PAFAH1B2: variants seen among roughly 807,000 people sequenced by gnomAD.
PAFAH1B2 encodes the protein platelet-activating factor acetylhydrolase IB subunit alpha2.
PAFAH1B2 carries 8 observed loss-of-function variants against 28.0 expected under a neutral mutation model. That is an observed-to-expected ratio of 0.29 (90% CI 0.17 to 0.52). PAFAH1B2 has a LOEUF of 0.52. Ranked by LOEUF, PAFAH1B2 falls within the 20% of genes least tolerant of loss-of-function variation. The probability of loss-of-function intolerance (pLI) is 0.97; values close to 1 mark genes in which losing one functional copy is unlikely to be tolerated. For missense variants in PAFAH1B2, 190 were observed against 282.6 expected, an observed-to-expected ratio of 0.67 and a Z score of 2.35; for synonymous variants, 104 against 103.2, an observed-to-expected ratio of 1.01 and a Z score of -0.05.
intron 1 of PAFAH1B2, among the ~76,000 whole-genome samples, chr11:117,146,338 C>T (rs567350851): frequency 6.6e-6 from 1 of 152,084 alleles, no homozygotes; most frequent in East Asian, 1.9e-4. Context: ...AGTGATCCAC[C>T]CGCCTCGGCC....
At chr11:117,173,743 C>G (rs1956721621), downstream of PAFAH1B2, among the ~76,000 whole-genome samples, 1 of 152,152 alleles carries the variant, frequency 6.6e-6, no homozygotes, top group Non-Finnish European at 1.5e-5. Context: ...TTAACTGATT[C>G]CCAATCTAAC....
Position 117,170,491 on chromosome 11 carries a change from C to T in PAFAH1B2, c.*2792C>T, listed in dbSNP as rs1956627291. 4 of 1,058,396 alleles carry T rather than the reference C, an allele frequency of 3.8e-6. No individual in the cohort carries two copies. Among genetic ancestry groups the T allele is most frequent in the Admixed American group, 1.1e-4 (2 of 18,308 alleles). The allele number at this position is 1,058,396 out of a possible 1,614,324, so 65.6% of individuals were successfully genotyped here. ...ATGTGTTCTCGGTCGCCGTAGACAG[C>T]GCTCTGGCTACCACCGTGAGGCTAC... On this transcript the variant is annotated 3_prime_UTR_variant, in exon 6 of 6. Transcript: ENST00000527958.
chr11:117,170,490 G>A lies in PAFAH1B2; in HGVS notation c.*2791G>A, dbSNP rs1956627237. 6 of 1,059,876 alleles carry A rather than the reference G, an allele frequency of 5.7e-6. No homozygotes were observed. Among genetic ancestry groups the A allele is most frequent in the Non-Finnish European group, 6.8e-6 (6 of 876,378 alleles). 65.7% of individuals were successfully genotyped at this position (1,059,876 alleles called of 1,614,324 possible). On this transcript the variant is annotated 3_prime_UTR_variant, in exon 6 of 6. Coordinates refer to ENST00000527958, the MANE Select transcript of PAFAH1B2 (RefSeq NM_002572.4). The stretch of plus-strand genomic sequence containing the variant: ...CATGTGTTCTCGGTCGCCGTAGACA[G>A]CGCTCTGGCTACCACCGTGAGGCTA...
At chr11:117,155,277 A>G (rs1367698619) in intron 2 of PAFAH1B2, among the ~76,000 whole-genome samples, 3 of 152,222 alleles carry the variant, frequency 2.0e-5, no homozygotes, top group Admixed American at 2.0e-4. Flanking sequence ...TCTTAAGGGT[A>G]GTGTTGAAAG....
At chr11:117,149,430 GT>G (rs746125678) in intron 1 of PAFAH1B2, among the ~76,000 whole-genome samples, 18 of 86,082 alleles carry the variant, frequency 2.1e-4, no homozygotes, top group East Asian at 8.6e-4. Context: ...TTTTCTAATC[GT>G]TTTTTTTTTT....
chr11:117,172,353 TATA>T (rs1956667588), downstream of PAFAH1B2, among the ~76,000 whole-genome samples: 12 of 2,474 alleles, frequency 4.9e-3, no homozygotes, highest in African/African-American at 8.9e-3. Context: ...TAGCTTTATA[TATA>T]TATATATATA....
chr11:117,147,249 C>T (rs563030600), intron 1 of PAFAH1B2, among the ~76,000 whole-genome samples: 40 of 152,186 alleles, frequency 2.6e-4, no homozygotes, highest in Non-Finnish European at 4.3e-4. Context: ...GTCTGGGCAA[C>T]GGGAGCGAAA....
rs1347605473 is a variant in PAFAH1B2 at position 117,168,489 on chromosome 11, C to T, written c.*790C>T. On this transcript the variant is annotated 3_prime_UTR_variant, in exon 6 of 6. Coordinates refer to ENST00000527958, the MANE Select transcript of PAFAH1B2 (RefSeq NM_002572.4). ...TTTTTTTTGGTTCTTGTTGACATTA[C>T]AAGCTTTTAACACATTTTTGACCTA... The T allele has an allele frequency of 1.8e-5, 4 of 226,012 alleles. No individual in the cohort carries two copies. The highest frequency in any genetic ancestry group is 1.1e-5 in the Non-Finnish European group (2 of 176,522). 14.0% of individuals were successfully genotyped at this position (226,012 alleles called of 1,614,324 possible).
chr11:117,157,376 A>G (rs1956276692), intron 2 of PAFAH1B2, among the ~76,000 whole-genome samples: 2 of 152,062 alleles, frequency 1.3e-5, no homozygotes, highest in South Asian at 4.1e-4. Context: ...TCCTGAGCTC[A>G]TGTGATCTGC....
At chr11:117,159,849 C>T in intron 2 of PAFAH1B2, 85 bp from the exon 3 acceptor site, 1 of 936,078 alleles carries the variant, frequency 1.1e-6, no homozygotes, top group Non-Finnish European at 1.7e-6. Context: ...TCCTGGCCTC[C>T]CAAAATGTTG....
intron 5 of PAFAH1B2, among the ~76,000 whole-genome samples, chr11:117,164,538 TTGTAAG>T (rs1310847843): frequency 3.9e-5 from 6 of 152,250 alleles, no homozygotes; most frequent in Non-Finnish European, 8.8e-5. Flanking sequence ...TTGGATTACT[TTGTAAG>T]TGTCCTGTTT....
chr11:117,173,209 GC>G (rs1956710669), downstream of PAFAH1B2, among the ~76,000 whole-genome samples: 1 of 152,206 alleles, frequency 6.6e-6, no homozygotes, highest in South Asian at 2.1e-4. Context: ...CAGATGCAGG[GC>G]CTGAGTATAT....
At chr11:117,146,450 A>G (rs758684258) in intron 1 of PAFAH1B2, among the ~76,000 whole-genome samples, 6 of 152,138 alleles carry the variant, frequency 3.9e-5, no homozygotes, top group African/African-American at 1.2e-4. Flanking sequence ...TTATGTGTCC[A>G]TAAGAGCAGA....
At position 117,158,921 on chromosome 11, in the gene PAFAH1B2, C is replaced by T. The variant is rs915022458; in HGVS notation, c.82-1013C>T. Among the ~76,000 whole-genome samples, 14 of 151,924 alleles carry T rather than the reference C, an allele frequency of 9.2e-5. 1 individual carries two copies. The highest frequency in any genetic ancestry group is 7.9e-4 in the Admixed American group (12 of 15,220). On this transcript the variant is annotated intron_variant, in intron 2 of 5. Coordinates refer to ENST00000527958, the MANE Select transcript of PAFAH1B2 (RefSeq NM_002572.4). ...TGGCCTCCCAAAGTGCTGGGATTAC[C>T]GGCGTGAGCCACCGCACCATTTGGT...
chr11:117,174,164 T>TGGTGTGTG (rs1555034628), downstream of PAFAH1B2, among the ~76,000 whole-genome samples: 1 of 138,808 alleles, frequency 7.2e-6, no homozygotes, highest in Non-Finnish European at 1.6e-5. Flanking sequence ...TTCATGTCTT[T>TGGTGTGTG]TGTGTGTGTG....
intron 2 of PAFAH1B2, among the ~76,000 whole-genome samples, chr11:117,155,073 C>T (rs1382278216): frequency 6.6e-6 from 1 of 152,160 alleles, no homozygotes; most frequent in East Asian, 1.9e-4. Flanking sequence ...CAACTTCTAC[C>T]TCCTGAATAG....
chr11:117,159,814 C>T, intron 2 of PAFAH1B2, 120 bp from the exon 3 acceptor site: 1 of 675,414 alleles, frequency 1.5e-6, no homozygotes, highest in Non-Finnish European at 2.6e-6. Flanking sequence ...TGATCTCAAA[C>T]TCCTGACCTC....
rs1956174068 is a variant in PAFAH1B2, at chr11:117,152,471, A to G, written c.24A>G (p.Pro8=). The stretch of plus-strand genomic sequence containing the variant: ...GAATGAGCCAAGGAGACTCAAACCC[A>G]GCAGCTATTCCGCATGCAGCAGAAG... The part of the protein sequence containing the change: MSQGDSN[P]AAIPHAAEDI... Residue 8 remains proline, a synonymous_variant, in exon 2 of 6, where the codon CCA becomes CCG. Transcript: ENST00000527958. 6.2e-7 allele frequency: 1 copy of G among 1,613,810 alleles called. No individual in the cohort carries two copies. Among genetic ancestry groups the G allele is most frequent in the Non-Finnish European group, 8.5e-7 (1 of 1,179,776 alleles).
downstream of PAFAH1B2, among the ~76,000 whole-genome samples, chr11:117,174,183 T>C (rs940906400): frequency 3.7e-4 from 55 of 149,616 alleles, no homozygotes; most frequent in Admixed American, 7.3e-4. Flanking sequence ...TGTGTGTGTG[T>C]GTGTGTGTGT....
Sources: allele counts gnomAD v4.1 joint callset (sites outside exome capture counted in the v4.1 genomes callset), GRCh38; gene constraint gnomAD v4.1.1; transcripts MANE v1.5; gene names NCBI Gene and HGNC (gene_info 2026-07-23, HGNC 2026-07-21).